The following TRPC4 variants were observed in gnomAD, a reference collection of about 807,000 sequenced individuals.
TRPC4 encodes the protein transient receptor potential cation channel subfamily C member 4.
Under a neutral mutation model 99.4 loss-of-function variants are expected in TRPC4, and 49 were observed. That is an observed-to-expected ratio of 0.49 (90% confidence interval 0.39 to 0.63). The LOEUF is 0.63. Among genes scored for constraint, TRPC4 ranks in the 20% least tolerant of loss-of-function variants. The pLI, the probability that TRPC4 is intolerant of heterozygous loss-of-function variation, is 0.00. For missense variants in TRPC4, 898 were observed against 1,152.9 expected (o/e 0.78, Z 3.20); for synonymous variants, 454 against 425.9 (o/e 1.07, Z -0.81).
chr13:37,849,631 C>T (rs1163761413), intron 1 of TRPC4, among the ~76,000 whole-genome samples: 1 of 152,198 alleles, frequency 6.6e-6, no homozygotes, highest in East Asian at 1.9e-4. Flanking sequence ...CCAACAGGAT[C>T]TCATTGTGCC....
chr13:37,639,247 G>T lies in TRPC4; in HGVS notation c.2121+11C>A, dbSNP rs1230709265. 1.9e-6 allele frequency: 3 copies of T among 1,613,426 alleles called. No individual in the cohort carries two copies. Among genetic ancestry groups the T allele is most frequent in the Non-Finnish European group, 1.7e-6 (2 of 1,179,644 alleles). On this transcript the variant is annotated intron_variant, in intron 9 of 10. Transcript: ENST00000379705. ...GTGAAAATTTCAAGACATAGTACAA[G>T]GACAACTTACTTGGTATTGGTGATG... is the stretch of plus-strand genomic sequence containing the variant.
chr13:37,722,598 T>C (rs1954910025), intron 3 of TRPC4, among the ~76,000 whole-genome samples: 1 of 152,234 alleles, frequency 6.6e-6, no homozygotes, highest in Non-Finnish European at 1.5e-5. Context: ...CCTTGTTTTC[T>C]ATAATGTTTT....
rs1208137522 is a variant in TRPC4 at position 37,644,856 on chromosome 13, G to A, written c.2080-5557C>T. On this transcript the variant is annotated intron_variant, in intron 8 of 10. Transcript: ENST00000379705. ...CCACTGCACTCCAGCCTGGGCAACA[G>A]AGCGAGACTCCATCTCAAAAAAAAA... Among the ~76,000 whole-genome samples, 7 of 118,352 alleles carry A rather than the reference G, an allele frequency of 5.9e-5. No individual in the cohort carries two copies. The East Asian group carries it at 1.9e-3, about 31-fold the overall frequency. The allele number at this position is 118,352 out of a possible 152,430, so 77.6% of individuals were successfully genotyped here.
chr13:37,654,000 C>A (rs2138632003), intron 7 of TRPC4, among the ~76,000 whole-genome samples: 1 of 152,184 alleles, frequency 6.6e-6, no homozygotes, highest in Middle Eastern at 3.4e-3. Flanking sequence ...CGGGTATTAA[C>A]CTCCAAATCC....
chr13:37,782,096 A>G (rs922680382), intron 2 of TRPC4, among the ~76,000 whole-genome samples: 3 of 152,088 alleles, frequency 2.0e-5, no homozygotes, highest in Non-Finnish European at 2.9e-5. Context: ...CAGTTAGTCA[A>G]TTAGCCTTGA....
chr13:37,636,982 T>C lies in TRPC4; in HGVS notation c.2855A>G (p.Glu952Gly). The C allele has an allele frequency of 6.2e-7, 1 of 1,613,782 alleles. No individual in the cohort carries two copies. The highest frequency in any genetic ancestry group is 8.5e-7 in the Non-Finnish European group (1 of 1,179,776). ...ATCATAGTCTATACTAGAGTCCTCT[T>C]CTTTTGCATGTTTCTCCTTTGGTAT... ...PIIPKEKHAK[E>G]EDSSIDYDLN... is the part of the protein sequence containing the mutation. The change falls in exon 11 of 11, where the codon GAA (glutamate) becomes GGA (glycine). Residue 952 changes from glutamate to glycine, a missense_variant. Physicochemically the swap from Glu to Gly is moderately conservative, Grantham distance 98. Around this residue, in one of 3 missense-constraint regions of TRPC4, gnomAD observed 346 missense variants for 351.4 expected, o/e 0.98. Coordinates refer to ENST00000379705, the MANE Select transcript of TRPC4 (RefSeq NM_016179.4).
intron 1 of TRPC4, among the ~76,000 whole-genome samples, chr13:37,830,343 A>G (rs1332609055): frequency 5.3e-5 from 8 of 152,152 alleles, no homozygotes; most frequent in African/African-American, 1.9e-4. Context: ...AAACATTAAA[A>G]TGGTTAAGTA....
chr13:37,692,455 C>A, intron 3 of TRPC4, 120 bp from the exon 4 acceptor site: 7 of 935,908 alleles, frequency 7.5e-6, no homozygotes, highest in Non-Finnish European at 1.1e-5. Flanking sequence ...CATAATTTTA[C>A]ATTTAAACAA....
chr13:37,851,971 TC>T (rs1162554195), intron 1 of TRPC4, among the ~76,000 whole-genome samples: 1 of 152,168 alleles, frequency 6.6e-6, no homozygotes, highest in Non-Finnish European at 1.5e-5. Flanking sequence ...GAATTGCCTA[TC>T]CCAGTGGTCA....
At chr13:37,839,380 G>A (rs928595795) in intron 1 of TRPC4, among the ~76,000 whole-genome samples, 3 of 152,092 alleles carry the variant, frequency 2.0e-5, no homozygotes, top group African/African-American at 4.8e-5. Context: ...CATCGTCAGA[G>A]TCAAGGACAT....
At chr13:37,732,836 C>T (rs369022947) in intron 3 of TRPC4, among the ~76,000 whole-genome samples, 6 of 152,080 alleles carry the variant, frequency 3.9e-5, no homozygotes, top group Admixed American at 2.0e-4. Flanking sequence ...AATGGAGAAA[C>T]GTGCCATGCT....
intron 4 of TRPC4, among the ~76,000 whole-genome samples, chr13:37,684,080 G>A (rs773041829): frequency 6.6e-6 from 1 of 152,178 alleles, no homozygotes; most frequent in Non-Finnish European, 1.5e-5. Context: ...ATATGATTAT[G>A]AAATTTGACT....
intron 6 of TRPC4, among the ~76,000 whole-genome samples, chr13:37,660,627 T>G (rs1187517344): frequency 1.3e-5 from 2 of 152,162 alleles, no homozygotes; most frequent in African/African-American, 4.8e-5. Context: ...ATGTGAGAGA[T>G]AATCCTCTAC....
intron 1 of TRPC4, among the ~76,000 whole-genome samples, chr13:37,784,893 A>C (rs992737027): frequency 3.9e-5 from 6 of 152,130 alleles, no homozygotes; most frequent in Non-Finnish European, 1.5e-5. Flanking sequence ...TTTAAGAGCT[A>C]ATATGAAAAA....
intron 1 of TRPC4, among the ~76,000 whole-genome samples, chr13:37,788,753 A>G (rs1295109890): frequency 6.6e-6 from 1 of 152,142 alleles, no homozygotes; most frequent in Admixed American, 6.6e-5. Flanking sequence ...CCTGAAAAAC[A>G]TACATATGTT....
intron 8 of TRPC4, among the ~76,000 whole-genome samples, chr13:37,650,738 T>G (rs1952019817): frequency 6.6e-6 from 1 of 152,144 alleles, no homozygotes; most frequent in Non-Finnish European, 1.5e-5. Flanking sequence ...ACTTAACAGT[T>G]GGCACAGCAT....
At chr13:37,745,798 C>T in intron 3 of TRPC4, 139 bp downstream of exon 3, 1 of 940,428 alleles carries the variant, frequency 1.1e-6, no homozygotes, top group Non-Finnish European at 1.6e-6. Context: ...AATTATTAAT[C>T]CGGTAGACAA....
At position 37,697,448 on chromosome 13, in the gene TRPC4, G is replaced by A. The variant is rs188945246; in HGVS notation, c.898-5113C>T. ...GATTTCGACAGTGACAGCTTCGTAA[G>A]TGAATGTGTTTTATGTTAGATTAAA... On this transcript the variant is annotated intron_variant, in intron 3 of 10. Transcript: ENST00000379705. 1.8e-4 allele frequency among the ~76,000 whole-genome samples: 28 copies of A among 152,342 alleles called. No individual in the cohort carries two copies. The East Asian group carries it at 3.7e-3, about 20-fold the overall frequency.
In TRPC4 at chr13:37,815,070, T is replaced by C. The variant is rs904844391; in HGVS notation, c.-27-31710A>G. 4.6e-5 allele frequency among the ~76,000 whole-genome samples: 7 copies of C among 151,560 alleles called. No individual in the cohort carries two copies. The South Asian group carries it at 1.5e-3, about 32-fold the overall frequency. ...TTTTTTACAAAGGTGTCAAGAAAAA[T>C]TTAATGGAAAAAAGATCTTTCAATA... On this transcript the variant is annotated intron_variant, in intron 1 of 10. Coordinates refer to ENST00000379705, the MANE Select transcript of TRPC4 (RefSeq NM_016179.4).
Sources: gnomAD v4.1 joint callset for allele counts (sites outside exome capture counted in the v4.1 genomes callset) on GRCh38, gnomAD v4.1.1 for gene constraint, gnomAD v4.1.1 regional missense constraint, MANE v1.5 for transcripts, NCBI Gene and HGNC (gene_info 2026-07-23, HGNC 2026-07-21) for gene names.